ASZ1: variants seen among roughly 807,000 people sequenced by gnomAD.
ASZ1 encodes ankyrin repeat, SAM and basic leucine zipper domain-containing protein 1.
ASZ1 carries 67 observed loss-of-function variants against 61.8 expected under a neutral mutation model. That is an observed-to-expected ratio of 1.08 (90% CI 0.89 to 1.33). The LOEUF (loss-of-function observed/expected upper bound fraction) is 1.33. Ranked by LOEUF, ASZ1 falls within the 40% of genes most tolerant of loss-of-function variation. The probability of loss-of-function intolerance (pLI) is 0.00; values close to 1 mark genes in which losing one functional copy is unlikely to be tolerated. For missense variants in ASZ1, 577 were observed against 554.5 expected (o/e 1.04, Z -0.41); for synonymous variants, 193 against 192.7 (o/e 1.00, Z -0.01).
At chr7:117,418,128 G>C (rs1411238315) in intron 4 of ASZ1, among the ~76,000 whole-genome samples, 1 of 152,128 alleles carries the variant, frequency 6.6e-6, no homozygotes, top group African/African-American at 2.4e-5. Flanking sequence ...GGAGGGTAAA[G>C]ACTTCACTAC....
At chr7:117,368,760 G>A in intron 10 of ASZ1, 43 bp from the exon 11 acceptor site, 2 of 1,602,010 alleles carry the variant, frequency 1.2e-6, no homozygotes, top group Non-Finnish European at 1.7e-6. Context: ...TTACTAATAA[G>A]AGCAATTTAT....
At chr7:117,365,643 G>A (rs1310832954) in intron 12 of ASZ1, among the ~76,000 whole-genome samples, 6 of 152,086 alleles carry the variant, frequency 3.9e-5, no homozygotes, top group Non-Finnish European at 5.9e-5. Context: ...AAACTTCCCT[G>A]GGATACCCAT....
chr7:117,366,281 G>A (rs954699829), intron 12 of ASZ1, among the ~76,000 whole-genome samples: 9 of 151,702 alleles, frequency 5.9e-5, no homozygotes, highest in Non-Finnish European at 1.3e-4. Flanking sequence ...AAAAAAAAAA[G>A]ACTCCTTTTG....
chr7:117,396,037 T>G (rs1796570297), intron 4 of ASZ1, among the ~76,000 whole-genome samples: 1 of 152,230 alleles, frequency 6.6e-6, no homozygotes, highest in African/African-American at 2.4e-5. Context: ...GGAGTCAGAA[T>G]GCCTAGGTCA....
Position 117,367,231 on chromosome 7 carries a change from T to A in ASZ1, c.1275+121A>T, listed in dbSNP as rs887971408. On this transcript the variant is annotated intron_variant, in intron 12 of 12. Coordinates refer to ENST00000284629, the MANE Select transcript of ASZ1 (RefSeq NM_130768.3). ...TATTTCTTCCTTTGGAAACTGTCCT[T>A]TTTCCCACTTGTCTAAGTGTTCCAT... The A allele has an allele frequency of 4.0e-6, 3 of 755,078 alleles. No homozygotes were observed. The African/African-American group carries it at 5.5e-5, about 14-fold the overall frequency. 46.8% of individuals were successfully genotyped at this position (755,078 alleles called of 1,614,324 possible). A position where few individuals can be genotyped will look rare whatever the true frequency, so the allele number is the denominator to read the frequency against.
At chr7:117,385,554 C>A (rs1424887875) in intron 5 of ASZ1, 144 bp downstream of exon 5, 2 of 687,934 alleles carry the variant, frequency 2.9e-6, no homozygotes, top group African/African-American at 3.6e-5. Flanking sequence ...AGTCACCATA[C>A]CCTTCTATTT....
At chr7:117,404,040 T>C (rs1375620766) in intron 4 of ASZ1, among the ~76,000 whole-genome samples, 2 of 152,116 alleles carry the variant, frequency 1.3e-5, no homozygotes, top group Non-Finnish European at 2.9e-5. Context: ...AAAAACTGTC[T>C]TCCACAAAAC....
chr7:117,411,461 C>G (rs1796887942), intron 4 of ASZ1, among the ~76,000 whole-genome samples: 1 of 151,734 alleles, frequency 6.6e-6, no homozygotes, highest in African/African-American at 2.4e-5. Context: ...TGATATTGTT[C>G]AAACCACAAA....
chr7:117,388,787 G>A (rs542009485), intron 4 of ASZ1, among the ~76,000 whole-genome samples: 14 of 152,052 alleles, frequency 9.2e-5, no homozygotes, highest in South Asian at 2.1e-4. Context: ...TCTAGCCAGC[G>A]GAACAAGACA....
chr7:117,386,459 T>G (rs1796357759), intron 4 of ASZ1, among the ~76,000 whole-genome samples: 1 of 152,156 alleles, frequency 6.6e-6, no homozygotes, highest in Non-Finnish European at 1.5e-5. Context: ...AAATTAGAGA[T>G]TCAATCCTTC....
intron 10 of ASZ1, among the ~76,000 whole-genome samples, chr7:117,375,663 C>T (rs568218555): frequency 6.6e-6 from 1 of 151,840 alleles, no homozygotes. Context: ...AACTGGAAAT[C>T]GATAACAGAA....
intron 4 of ASZ1, among the ~76,000 whole-genome samples, chr7:117,399,708 G>T (rs1314910873): frequency 3.3e-5 from 5 of 152,054 alleles, no homozygotes; most frequent in African/African-American, 1.2e-4. Flanking sequence ...TGGGAGGTTT[G>T]GGTGGGAATC....
In ASZ1 at chr7:117,427,427, C is replaced by G. The variant is rs1222877061; in HGVS notation, c.34G>C (p.Ala12Pro). Residue 12 changes from alanine to proline, a missense_variant, in exon 1 of 13, where the codon GCT becomes CCT. By Grantham distance (27) the Ala-to-Pro change is conservative (BLOSUM62 -1). Transcript: ENST00000284629. ...AASALRGLPV[A>P]GGGESSESED... ...CTCTCGCTACTCTCGCCTCCGCCAG[C>G]CACTGGCAGGCCTCGCAGCGCGCTC... The G allele has an allele frequency of 6.2e-6, 10 of 1,614,034 alleles. No homozygotes were observed. The highest frequency in any genetic ancestry group is 7.6e-6 in the Non-Finnish European group (9 of 1,180,018).
At chr7:117,383,209 A>G in intron 6 of ASZ1, 99 bp from the exon 7 acceptor site, 4 of 1,279,480 alleles carry the variant, frequency 3.1e-6, no homozygotes, top group Non-Finnish European at 4.0e-6. Context: ...TCCAGAAAGG[A>G]AATTTTAGCA....
Position 117,363,450 on chromosome 7 carries a change from TAAAA to T in ASZ1, c.*142_*145del. 1 of 582,338 alleles carries T rather than the reference TAAAA, an allele frequency of 1.7e-6. No individual in the cohort carries two copies. The highest frequency in any genetic ancestry group is 2.6e-6 in the Non-Finnish European group (1 of 391,916). 36.1% of individuals were successfully genotyped at this position (582,338 alleles called of 1,614,324 possible). A position where few individuals can be genotyped will look rare whatever the true frequency, so the allele number is the denominator to read the frequency against. On this transcript the variant is annotated 3_prime_UTR_variant, in exon 13 of 13. Coordinates refer to ENST00000284629, the MANE Select transcript of ASZ1 (RefSeq NM_130768.3). The stretch of plus-strand genomic sequence containing the variant: ...TAAGTCAAAGTAACAAACCACTTTT[TAAAA>T]AAAAACTCCACATTGTCAAAATTTT...
At chr7:117,378,370 A>G (rs972485686) in intron 10 of ASZ1, among the ~76,000 whole-genome samples, 2 of 152,178 alleles carry the variant, frequency 1.3e-5, no homozygotes, top group African/African-American at 4.8e-5. Context: ...AAAATGGGCA[A>G]AAGATACTGT....
At chr7:117,375,466 A>G (rs1796119922) in intron 10 of ASZ1, among the ~76,000 whole-genome samples, 1 of 152,106 alleles carries the variant, frequency 6.6e-6, no homozygotes, top group Admixed American at 6.6e-5. Context: ...CTATAGAAAT[A>G]TAGTTAATCT....
intron 4 of ASZ1, among the ~76,000 whole-genome samples, chr7:117,418,131 T>C (rs1307680646): frequency 6.6e-6 from 1 of 152,124 alleles, no homozygotes; most frequent in Non-Finnish European, 1.5e-5. Context: ...GGGTAAAGAC[T>C]TCACTACCTA....
At chr7:117,399,436 TA>T (rs1476654903) in intron 4 of ASZ1, among the ~76,000 whole-genome samples, 1 of 152,226 alleles carries the variant, frequency 6.6e-6, no homozygotes. Flanking sequence ...TAAATGCCTA[TA>T]GCCTTGGAAT....
Sources: allele counts gnomAD v4.1 joint callset (sites outside exome capture counted in the v4.1 genomes callset), GRCh38; gene constraint gnomAD v4.1.1; transcripts MANE v1.5; gene names NCBI Gene and HGNC (gene_info 2026-07-23, HGNC 2026-07-21).